The following HECTD4 variants were observed in gnomAD, a reference collection of about 807,000 sequenced individuals.
The protein encoded by HECTD4 is probable E3 ubiquitin-protein ligase HECTD4.
In HECTD4, 114 loss-of-function variants were observed where a neutral mutation model predicts 471.5. The ratio of observed to expected loss-of-function variants is 0.24; its 90% CI spans 0.21 to 0.28. HECTD4 has a LOEUF of 0.28. HECTD4 is among the 10% of genes least tolerant of loss of function. The pLI is 1.00. For synonymous variants in HECTD4, 2,012 were observed against 2,256.0 expected (o/e 0.89, Z 3.07); for missense variants, 3,866 against 5,651.5 (o/e 0.68, Z 10.13).
intron 1 of HECTD4, among the ~76,000 whole-genome samples, chr12:112,364,071 A>G (rs1259639774): frequency 1.3e-5 from 2 of 151,678 alleles, no homozygotes; most frequent in African/African-American, 2.4e-5. Context: ...AAAAATATTA[A>G]TAATATTACA....
Position 112,219,481 on chromosome 12 carries a change from G to A in HECTD4, c.6979C>T (p.Leu2327Phe), listed in dbSNP as rs751876604. The change falls in exon 45 of 76, where the codon CTT becomes TTT. Residue 2327 changes from leucine to phenylalanine, a missense_variant. Physicochemically the swap from Leu to Phe is conservative, Grantham distance 22. Coordinates refer to ENST00000682272, the MANE Select transcript of HECTD4 (RefSeq NM_001388303.1). Reference sequence around the variant, plus strand: ...TCACACTGTACCTCCACAACTGCAAGTCGCTCTCCTGTAGAGGGCACATGT... The same window carrying A: ...TCACACTGTACCTCCACAACTGCAAATCGCTCTCCTGTAGAGGGCACATGT... ...VAQECSAGER[L>F]AVVEVQCERL... 1.2e-5 allele frequency: 20 copies of A among 1,612,998 alleles called. No homozygotes were observed. Among genetic ancestry groups the A allele is most frequent in the Non-Finnish European group, 1.6e-5 (19 of 1,179,270 alleles).
chr12:112,169,668 G>C lies in HECTD4; in HGVS notation c.12053-10C>G. On this transcript the variant is annotated splice_polypyrimidine_tract_variant and intron_variant, in intron 69 of 75. Coordinates refer to ENST00000682272, the MANE Select transcript of HECTD4 (RefSeq NM_001388303.1). Reference sequence around the variant, plus strand: ...GAAGCTCTGATTTCCCCTGGAAAGTGAGATGAGCTGATCAAAGCACCCCGC... The same window carrying C: ...GAAGCTCTGATTTCCCCTGGAAAGTCAGATGAGCTGATCAAAGCACCCCGC... 1 of 1,612,514 alleles carries C rather than the reference G, an allele frequency of 6.2e-7. No individual in the cohort carries two copies. Among genetic ancestry groups the C allele is most frequent in the Non-Finnish European group, 8.5e-7 (1 of 1,179,874 alleles).
Position 112,324,092 on chromosome 12 carries a change from TTC to T in HECTD4, c.178-4352_178-4351del, listed in dbSNP as rs762138509. On this transcript the variant is annotated intron_variant, in intron 1 of 75. Coordinates refer to ENST00000682272, the MANE Select transcript of HECTD4 (RefSeq NM_001388303.1). Reference sequence around the variant, plus strand: ...TTTCTTTCTTTCTTTCTTTCTTTCTTTCTTTCTTTCCTCTCTCTCTTTCTTTC... The same window carrying T: ...TTTCTTTCTTTCTTTCTTTCTTTCTTTTTCTTTCCTCTCTCTCTTTCTTTC... Among the ~76,000 whole-genome samples the T allele has an allele frequency of 5.7e-5, 6 of 106,084 alleles. 1 individual carries two copies. The highest frequency in any genetic ancestry group is 1.1e-4 in the Admixed American group (1 of 9,278). The allele number at this position is 106,084 out of a possible 152,430, so 69.6% of individuals were successfully genotyped here. A position where few individuals can be genotyped will look rare whatever the true frequency, so the allele number is the denominator to read the frequency against.
intron 24 of HECTD4, among the ~76,000 whole-genome samples, chr12:112,250,692 A>T (rs2033862258): frequency 6.6e-6 from 1 of 152,238 alleles, no homozygotes; most frequent in Admixed American, 6.5e-5. Flanking sequence ...GCTTTATCAC[A>T]CATCCACCCA....
chr12:112,172,543 G>A (rs367551474), intron 67 of HECTD4, 128 bp downstream of exon 67: 56 of 866,498 alleles, frequency 6.5e-5, no homozygotes, highest in South Asian at 3.6e-4. Flanking sequence ...CACACCTGGC[G>A]CATAGCAGGT....
chr12:112,232,539 C>A (rs1315350120), intron 38 of HECTD4, among the ~76,000 whole-genome samples: 2 of 152,176 alleles, frequency 1.3e-5, no homozygotes, highest in African/African-American at 4.8e-5. Flanking sequence ...TATTACTAAT[C>A]TTTCTTGACT....
rs563103314 is a variant in HECTD4 at position 112,282,281 on chromosome 12, G to A, written c.1528+829C>T. On this transcript the variant is annotated intron_variant, in intron 8 of 75. Coordinates refer to ENST00000682272, the MANE Select transcript of HECTD4 (RefSeq NM_001388303.1). ...GCCTGTAGTCCCAGCTACTCGGGAG[G>A]CTGAGGCAGGAGAATGGCGTGAACC... 8.3e-4 allele frequency among the ~76,000 whole-genome samples: 127 copies of A among 152,298 alleles called. 1 individual carries two copies. In the South Asian group the frequency reaches 0.012, roughly 14 times the overall value.
intron 43 of HECTD4, 22 bp from the exon 44 acceptor site, chr12:112,226,780 A>G: frequency 6.5e-7 from 1 of 1,544,120 alleles, no homozygotes; most frequent in Non-Finnish European, 8.9e-7. Flanking sequence ...AAGATTTACA[A>G]TATTTCAAAG....
At chr12:112,299,744 G>C (rs1265545725) in intron 7 of HECTD4, among the ~76,000 whole-genome samples, 1 of 152,032 alleles carries the variant, frequency 6.6e-6, no homozygotes, top group Non-Finnish European at 1.5e-5. Flanking sequence ...TTTTTTAATT[G>C]GTTTGTTTTA....
chr12:112,262,540 A>G (rs1193448273), intron 17 of HECTD4, among the ~76,000 whole-genome samples: 1 of 150,654 alleles, frequency 6.6e-6, no homozygotes, highest in Non-Finnish European at 1.5e-5. Flanking sequence ...AAAAAAAAAA[A>G]AAGAATCTAC....
At chr12:112,366,291 T>G (rs1392440650) in intron 1 of HECTD4, among the ~76,000 whole-genome samples, 1 of 152,024 alleles carries the variant, frequency 6.6e-6, no homozygotes, top group Non-Finnish European at 1.5e-5. Context: ...GTAGACAACT[T>G]GAGCTCAGGA....
chr12:112,284,283 C>A (rs2034704086), intron 7 of HECTD4, among the ~76,000 whole-genome samples: 1 of 152,152 alleles, frequency 6.6e-6, no homozygotes, highest in Non-Finnish European at 1.5e-5. Context: ...AAAATATCAC[C>A]CCTTTTGTCA....
At chr12:112,321,200 AT>A (rs2035578408) in intron 1 of HECTD4, among the ~76,000 whole-genome samples, 1 of 152,126 alleles carries the variant, frequency 6.6e-6, no homozygotes, top group Admixed American at 6.5e-5. Flanking sequence ...CATGGTAGAG[AT>A]TTATCCAATT....
chr12:112,226,587 A>T, intron 44 of HECTD4, 56 bp downstream of exon 44: 1 of 1,169,164 alleles, frequency 8.6e-7, no homozygotes, highest in Non-Finnish European at 1.2e-6. Context: ...ATCAAATTGC[A>T]AATGTGCTGA....
At chr12:112,333,460 C>T (rs530641994) in intron 1 of HECTD4, among the ~76,000 whole-genome samples, 2 of 152,292 alleles carry the variant, frequency 1.3e-5, no homozygotes, top group South Asian at 4.1e-4. Flanking sequence ...TGACGTTGAG[C>T]ATCACATCTT....
intron 54 of HECTD4, chr12:112,201,010 T>C: frequency 3.4e-6 from 2 of 594,412 alleles, no homozygotes; most frequent in Non-Finnish European, 6.0e-6. Context: ...AAACACATAT[T>C]ATAAGTAATC....
chr12:112,316,848 C>A (rs575451765), intron 2 of HECTD4, among the ~76,000 whole-genome samples: 3 of 149,956 alleles, frequency 2.0e-5, no homozygotes, highest in Admixed American at 6.7e-5. Flanking sequence ...AATGTAGGAA[C>A]CATGTTAAAA....
At chr12:112,302,262 G>C (rs536392133) in intron 7 of HECTD4, 141 of 1,067,372 alleles carry the variant, frequency 1.3e-4, no homozygotes, top group Non-Finnish European at 8.3e-5. Context: ...ACTCCTGCTC[G>C]AAGGGCAGGT....
intron 15 of HECTD4, 84 bp from the exon 16 acceptor site, chr12:112,265,379 G>A: frequency 1.1e-6 from 1 of 888,968 alleles, no homozygotes. Context: ...AGTATAAGAT[G>A]ACAAATAAAA....
Sources: gnomAD v4.1 joint callset for allele counts (sites outside exome capture counted in the v4.1 genomes callset) on GRCh38, gnomAD v4.1.1 for gene constraint, MANE v1.5 for transcripts, NCBI Gene and HGNC (gene_info 2026-07-23, HGNC 2026-07-21) for gene names.